Variants in DGKI observed in about 807,000 individuals in gnomAD.
DGKI encodes DAG kinase iota.
A neutral mutation model predicts 147.5 loss-of-function variants in DGKI; 55 were observed. The ratio of observed to expected loss-of-function variants is 0.37; its 90% CI spans 0.30 to 0.47. The LOEUF (loss-of-function observed/expected upper bound fraction) is 0.47. DGKI is among the 20% of genes least tolerant of loss of function. The probability of loss-of-function intolerance (pLI) is 1.00; values close to 1 mark genes in which losing one functional copy is unlikely to be tolerated. For synonymous variants in DGKI, 469 were observed against 477.1 expected, an observed-to-expected ratio of 0.98 and a Z score of 0.22; for missense variants, 1,007 against 1,323.8, an observed-to-expected ratio of 0.76 and a Z score of 3.71.
intron 1 of DGKI, among the ~76,000 whole-genome samples, chr7:137,705,316 T>C (rs1161955669): frequency 6.6e-6 from 1 of 151,966 alleles, no homozygotes; most frequent in Admixed American, 6.6e-5. Context: ...AAGAAAACAA[T>C]TCAACTGTCC....
chr7:137,517,293 AAG>A lies in DGKI; in HGVS notation c.2248+4571_2248+4572del, dbSNP rs1816793387. Among the ~76,000 whole-genome samples the A allele has an allele frequency of 5.1e-4, 68 of 132,052 alleles. 1 individual carries two copies. The highest frequency in any genetic ancestry group is 2.0e-3 in the African/African-American group (67 of 32,788). 86.6% of individuals were successfully genotyped at this position (132,052 alleles called of 152,430 possible). ...GAAAGAAAAGAAAAAGAAAGAAAGA[AAG>A]AAAGAAAGAAAGAAAGAAAGAAAGA... is the stretch of plus-strand genomic sequence containing the variant. On this transcript the variant is annotated intron_variant, in intron 21 of 32. Transcript: ENST00000614521.
intron 21 of DGKI, among the ~76,000 whole-genome samples, chr7:137,493,351 G>A (rs536007248): frequency 6.6e-6 from 1 of 152,296 alleles, no homozygotes; most frequent in South Asian, 2.1e-4. Context: ...CCCCACTCCA[G>A]CTGATGAGCA....
chr7:137,631,101 G>T (rs946596262), intron 6 of DGKI, among the ~76,000 whole-genome samples: 1 of 152,176 alleles, frequency 6.6e-6, no homozygotes, highest in Admixed American at 6.5e-5. Context: ...TAATCTTGCC[G>T]ATGGTGTGAC....
intron 13 of DGKI, among the ~76,000 whole-genome samples, chr7:137,585,810 C>T (rs1293944924): frequency 6.6e-6 from 1 of 152,156 alleles, no homozygotes; most frequent in Non-Finnish European, 1.5e-5. Flanking sequence ...CCTTGGAAGA[C>T]ACCATTCTTC....
chr7:137,711,414 A>G (rs1041217032), intron 1 of DGKI, among the ~76,000 whole-genome samples: 10 of 152,260 alleles, frequency 6.6e-5, no homozygotes, highest in African/African-American at 2.4e-4. Context: ...TACTCTTTAC[A>G]AATGAAAATA....
At chr7:137,790,491 T>G (rs550108763) in intron 1 of DGKI, among the ~76,000 whole-genome samples, 18 of 152,178 alleles carry the variant, frequency 1.2e-4, no homozygotes, top group Non-Finnish European at 2.4e-4. Context: ...TGGCTGCTGC[T>G]CTACTTTAAA....
At chr7:137,681,731 C>T (rs1380277738) in intron 2 of DGKI, among the ~76,000 whole-genome samples, 2 of 152,234 alleles carry the variant, frequency 1.3e-5, no homozygotes, top group Non-Finnish European at 2.9e-5. Flanking sequence ...CAAAATGTAG[C>T]AGTGGGTAAA....
intron 19 of DGKI, among the ~76,000 whole-genome samples, chr7:137,568,542 A>ACTTC (rs1421511116): frequency 6.6e-6 from 1 of 152,146 alleles, no homozygotes; most frequent in Non-Finnish European, 1.5e-5. Flanking sequence ...ACTTCTCCAG[A>ACTTC]TAGACCCACC....
intron 21 of DGKI, among the ~76,000 whole-genome samples, chr7:137,497,200 A>T (rs951834166): frequency 6.6e-6 from 1 of 152,182 alleles, no homozygotes; most frequent in Admixed American, 6.5e-5. Flanking sequence ...AAAGTTCAAC[A>T]TCACTGATCA....
intron 27 of DGKI, among the ~76,000 whole-genome samples, chr7:137,458,773 C>T (rs941395447): frequency 1.3e-5 from 2 of 152,126 alleles, no homozygotes; most frequent in Non-Finnish European, 2.9e-5. Context: ...TAATCTTCTG[C>T]CAAATGAAAT....
At chr7:137,699,433 T>A (rs1341109404) in intron 1 of DGKI, among the ~76,000 whole-genome samples, 1 of 152,264 alleles carries the variant, frequency 6.6e-6, no homozygotes, top group East Asian at 1.9e-4. Flanking sequence ...CTCCTCCATA[T>A]TTCCCACCTG....
intron 6 of DGKI, among the ~76,000 whole-genome samples, chr7:137,640,684 C>T (rs942025800): frequency 6.6e-6 from 1 of 152,106 alleles, no homozygotes; most frequent in Non-Finnish European, 1.5e-5. Flanking sequence ...TATTTTTATA[C>T]TCTGTAATCC....
intron 6 of DGKI, among the ~76,000 whole-genome samples, chr7:137,638,491 C>CACATATATAT (rs1821438085): frequency 4.1e-5 from 5 of 121,428 alleles, no homozygotes; most frequent in Admixed American, 4.1e-4. Context: ...TATATATACA[C>CACATATATAT]ACATATATAT....
chr7:137,479,774 A>G (rs1352642390), intron 23 of DGKI, among the ~76,000 whole-genome samples: 3 of 152,042 alleles, frequency 2.0e-5, no homozygotes, highest in Non-Finnish European at 4.4e-5. Context: ...CTTACTTTTA[A>G]ATTTCTCTCA....
chr7:137,748,941 C>T (rs181342610), intron 1 of DGKI, among the ~76,000 whole-genome samples: 1 of 152,260 alleles, frequency 6.6e-6, no homozygotes, highest in Admixed American at 6.5e-5. Flanking sequence ...ATGATAAAAA[C>T]TGAGTTAGAT....
At chr7:137,466,370 T>C (rs1003069015) in intron 25 of DGKI, among the ~76,000 whole-genome samples, 1 of 152,218 alleles carries the variant, frequency 6.6e-6, no homozygotes, top group African/African-American at 2.4e-5. Context: ...TTCTACCCCG[T>C]CATCTGGTCA....
intron 1 of DGKI, among the ~76,000 whole-genome samples, chr7:137,791,831 C>G (rs991538733): frequency 1.3e-5 from 2 of 152,132 alleles, no homozygotes; most frequent in African/African-American, 4.8e-5. Context: ...CAATCCTTTC[C>G]CCCTCACTTC....
intron 1 of DGKI, among the ~76,000 whole-genome samples, chr7:137,739,243 C>T (rs1407060810): frequency 6.6e-6 from 1 of 152,168 alleles, no homozygotes; most frequent in Admixed American, 6.5e-5. Context: ...GCCTAAAGGG[C>T]TGTTTTCTCC....
chr7:137,426,060 T>A (rs1405193195), intron 28 of DGKI, among the ~76,000 whole-genome samples: 1 of 152,108 alleles, frequency 6.6e-6, no homozygotes, highest in Non-Finnish European at 1.5e-5. Flanking sequence ...GCCACAAAGA[T>A]ACTCCTCGAG....
Sources: allele counts gnomAD v4.1 joint callset (sites outside exome capture counted in the v4.1 genomes callset), GRCh38; gene constraint gnomAD v4.1.1; transcripts MANE v1.5; gene names NCBI Gene and HGNC (gene_info 2026-07-23, HGNC 2026-07-21).